Variants in SLC11A2 observed in about 807,000 individuals in gnomAD.
The protein encoded by SLC11A2 is solute carrier family 11 member 2.
SLC11A2 carries 38 observed loss-of-function variants against 68.0 expected under a neutral mutation model. The ratio of observed to expected loss-of-function variants is 0.56; its 90% CI spans 0.43 to 0.73. SLC11A2 has a LOEUF of 0.73. Ranked by LOEUF, SLC11A2 falls within the 30% of genes least tolerant of loss-of-function variation. SLC11A2 has a pLI of 0.00. For missense variants in SLC11A2, 517 were observed against 690.5 expected (o/e 0.75, Z 2.82); for synonymous variants, 242 against 250.6 (o/e 0.97, Z 0.32).
chr12:50,993,191 T>TAA (rs10529796), intron 11 of SLC11A2: 31 of 214,022 alleles, frequency 1.4e-4, no homozygotes, highest in South Asian at 2.0e-4. Flanking sequence ...TCTTAAATAT[T>TAA]AAAAAAAAAA....
chr12:50,967,456 T>G, the SLC11A2 span, among the ~76,000 whole-genome samples: 2 of 152,098 alleles, frequency 1.3e-5, no homozygotes, highest in East Asian at 1.9e-4. Flanking sequence ...CTTTATTTTT[T>G]GTAGAAATGA....
intron 1 of SLC11A2, among the ~76,000 whole-genome samples, chr12:51,022,079 T>G (rs1944083823): frequency 6.6e-6 from 1 of 152,122 alleles, no homozygotes; most frequent in Admixed American, 6.6e-5. Context: ...AAGTCTTACT[T>G]CCAGTGACTA....
chr12:50,972,357 C>A, the SLC11A2 span, among the ~76,000 whole-genome samples: 1 of 152,152 alleles, frequency 6.6e-6, no homozygotes. Context: ...GCTAAGTATT[C>A]ATTTGTTAAG....
At chr12:50,954,769 T>A in the SLC11A2 span, among the ~76,000 whole-genome samples, 1 of 152,088 alleles carries the variant, frequency 6.6e-6, no homozygotes. Context: ...AACTTCTGCA[T>A]CTAATGTTTT....
In SLC11A2 at chr12:50,986,659, T is replaced by C; in HGVS notation, c.*1666A>G. ...GTCCCCAATATCTTCACAGAGTGCC[T>C]TTATGACCAGTTTGGAGAATTACGA... On this transcript the variant is annotated 3_prime_UTR_variant, in exon 16 of 16. Transcript: ENST00000262052. 7.8e-7 allele frequency: 1 copy of C among 1,286,734 alleles called. No individual in the cohort carries two copies. The highest frequency in any genetic ancestry group is 1.0e-6 in the Non-Finnish European group (1 of 988,394). The allele number at this position is 1,286,734 out of a possible 1,614,324, so 79.7% of individuals were successfully genotyped here. A position where few individuals can be genotyped will look rare whatever the true frequency, so the allele number is the denominator to read the frequency against.
Position 50,996,902 on chromosome 12 carries a change from C to T in SLC11A2, c.746G>A (p.Arg249His), listed in dbSNP as rs770229023. ...GMFVPSCSGC[R>H]TPQIEQAVGI... ...CACAGCCTGTTCAATCTGTGGAGTG[C>T]GACAGCCTGAACAGGATGGTACGAA... The change falls in exon 9 of 16, where the codon CGC (arginine) becomes CAC (histidine). Residue 249 changes from arginine (R) to histidine (H), a missense_variant. Arg to His is a conservative substitution (Grantham distance 29). Transcript: ENST00000262052. 37 of 1,613,810 alleles carry T rather than the reference C, an allele frequency of 2.3e-5. No homozygotes were observed. The highest frequency in any genetic ancestry group is 3.3e-4 in the Middle Eastern group (2 of 6,084).
chr12:50,986,871 T>C lies in SLC11A2; in HGVS notation c.*1454A>G. 7.8e-7 allele frequency: 1 copy of C among 1,287,232 alleles called. No homozygotes were observed. Among genetic ancestry groups the C allele is most frequent in the Non-Finnish European group, 1.0e-6 (1 of 988,696 alleles). The allele number at this position is 1,287,232 out of a possible 1,614,324, so 79.7% of individuals were successfully genotyped here. A position where few individuals can be genotyped will look rare whatever the true frequency, so the allele number is the denominator to read the frequency against. The stretch of plus-strand genomic sequence containing the variant: ...TTTGACTGTGTGCAAGTATCAGTAA[T>C]AATGCTTTTGGGGGCTCAGATGAAC... On this transcript the variant is annotated 3_prime_UTR_variant, in exon 16 of 16. Transcript: ENST00000262052.
chr12:50,986,072 T>G lies in SLC11A2; in HGVS notation c.*2253A>C. On this transcript the variant is annotated 3_prime_UTR_variant, in exon 16 of 16. Transcript: ENST00000262052. ...TTACTAAAAGCTCAGTTGTAACCAC[T>G]CCTAACACCACTAGCAGAACCTCAA... 2.3e-6 allele frequency: 3 copies of G among 1,285,892 alleles called. No individual in the cohort carries two copies. Among genetic ancestry groups the G allele is most frequent in the Non-Finnish European group, 3.0e-6 (3 of 988,108 alleles). 79.7% of individuals were successfully genotyped at this position (1,285,892 alleles called of 1,614,324 possible).
intron 1 of SLC11A2, among the ~76,000 whole-genome samples, chr12:51,018,987 C>G (rs141466078): frequency 8.5e-4 from 130 of 152,092 alleles, no homozygotes; most frequent in African/African-American, 3.0e-3. Flanking sequence ...TCAATAAAAT[C>G]AAAGACAACA....
rs1169861111 is a variant in SLC11A2, at chr12:50,987,712, T to C, written c.*613A>G. On this transcript the variant is annotated 3_prime_UTR_variant, in exon 16 of 16. Coordinates refer to ENST00000262052, the MANE Select transcript of SLC11A2 (RefSeq NM_000617.3). ...TTAGTTGTCAGTTTTTCCCCTTCTT[T>C]GTTTTCTCACCCCTCTTAACTTCCA... 2 of 1,287,064 alleles carry C rather than the reference T, an allele frequency of 1.6e-6. No individual in the cohort carries two copies. The highest frequency in any genetic ancestry group is 2.0e-6 in the Non-Finnish European group (2 of 988,656). The allele number at this position is 1,287,064 out of a possible 1,614,324, so 79.7% of individuals were successfully genotyped here.
chr12:50,989,824 C>T (rs767305666), intron 15 of SLC11A2, among the ~76,000 whole-genome samples: 1 of 152,160 alleles, frequency 6.6e-6, no homozygotes, highest in Non-Finnish European at 1.5e-5. Flanking sequence ...GGGAAGTGTT[C>T]TAGAGATTAA....
At chr12:51,012,423 T>C (rs898175911) in intron 1 of SLC11A2, among the ~76,000 whole-genome samples, 2 of 152,214 alleles carry the variant, frequency 1.3e-5, no homozygotes, top group Non-Finnish European at 2.9e-5. Flanking sequence ...GACAACATAG[T>C]ATTCATTGAT....
the SLC11A2 span, among the ~76,000 whole-genome samples, chr12:50,962,967 T>A: frequency 1.3e-5 from 2 of 152,134 alleles, no homozygotes; most frequent in African/African-American, 4.8e-5. Flanking sequence ...CTAGTAGTAA[T>A]GTTTAATGAG....
the SLC11A2 span, among the ~76,000 whole-genome samples, chr12:50,966,703 T>C: frequency 2.0e-5 from 3 of 152,220 alleles, no homozygotes; most frequent in Admixed American, 2.0e-4. Flanking sequence ...ACTGCTTCTA[T>C]TGGCAAAGGA....
At chr12:50,999,138 ATT>A (rs1382976240) in intron 8 of SLC11A2, 34 bp downstream of exon 8, 3 of 1,505,840 alleles carry the variant, frequency 2.0e-6, no homozygotes, top group Admixed American at 1.7e-5. Flanking sequence ...ACAAAAACTT[ATT>A]TTAAGAAGCT....
downstream of SLC11A2, among the ~76,000 whole-genome samples, chr12:50,985,386 G>A (rs886512054): frequency 1.3e-5 from 2 of 152,178 alleles, no homozygotes; most frequent in African/African-American, 2.4e-5. Context: ...GTTACTCACA[G>A]GGAAGCCTTG....
chr12:50,991,865 T>C (rs1317531535), intron 13 of SLC11A2, among the ~76,000 whole-genome samples, 193 bp from the exon 14 acceptor site: 1 of 152,210 alleles, frequency 6.6e-6, no homozygotes, highest in Non-Finnish European at 1.5e-5. Flanking sequence ...ATACAAACCT[T>C]TGTATGTGAC....
At chr12:50,980,817 A>G (rs550960068), downstream of SLC11A2, 1 of 152,344 alleles carries the variant, frequency 6.6e-6, no homozygotes, top group South Asian at 2.1e-4. Context: ...GACTATACAA[A>G]TATTAGAAAG....
Position 51,019,465 on chromosome 12 carries a change from C to G in SLC11A2, c.-39+6845G>C, listed in dbSNP as rs2040451. Reference sequence around the variant, plus strand: ...TTTGGATGACTGACAGTCAACAAAACTTTCTGAAATATTCTAGCAGCTCAA... The same window carrying G: ...TTTGGATGACTGACAGTCAACAAAAGTTTCTGAAATATTCTAGCAGCTCAA... On this transcript the variant is annotated intron_variant, in intron 1 of 15. Transcript: ENST00000262052. 6.4e-3 allele frequency among the ~76,000 whole-genome samples: 980 copies of G among 152,206 alleles called. 12 individuals are homozygous for G. The highest frequency in any genetic ancestry group is 0.022 in the African/African-American group (932 of 41,554).
Sources: gnomAD v4.1 joint callset for allele counts (sites outside exome capture counted in the v4.1 genomes callset) on GRCh38, gnomAD v4.1.1 for gene constraint, MANE v1.5 for transcripts, NCBI Gene and HGNC (gene_info 2026-07-23, HGNC 2026-07-21) for gene names.